TMEM114: variants seen among roughly 807,000 people sequenced by gnomAD.
TMEM114 encodes the protein claudin-26.
Under a neutral mutation model 6.2 loss-of-function variants are expected in TMEM114, and 6 were observed. The ratio of observed to expected loss-of-function variants is 0.97; its 90% CI spans 0.53 to 1.91. The LOEUF (loss-of-function observed/expected upper bound fraction) is 1.91, where lower values mean the gene tolerates loss of function less well. TMEM114 is among the 40% of genes most tolerant of loss of function. TMEM114 has a pLI of 0.01. For missense variants in TMEM114, 218 were observed against 158.3 expected (o/e 1.38, Z -2.02); for synonymous variants, 104 against 73.0 (o/e 1.42, Z -2.16).
chr16:8,574,906 G>A (rs1395754763), intron 2 of TMEM114, among the ~76,000 whole-genome samples: 13 of 152,156 alleles, frequency 8.5e-5, no homozygotes, highest in Non-Finnish European at 2.9e-5. Context: ...CTTTCTTTGT[G>A]TGTGTGCCCT....
chr16:8,557,550 G>A (rs769682559), intron 2 of TMEM114, among the ~76,000 whole-genome samples: 18 of 152,262 alleles, frequency 1.2e-4, no homozygotes, highest in Admixed American at 9.8e-4. Context: ...AATATACAAG[G>A]GTCACTAGTT....
intron 2 of TMEM114, among the ~76,000 whole-genome samples, chr16:8,551,980 C>G (rs1485033893): frequency 6.6e-6 from 1 of 152,168 alleles, no homozygotes; most frequent in Non-Finnish European, 1.5e-5. Context: ...AAGCCAGTCT[C>G]CAAAGATTCT....
intron 2 of TMEM114, among the ~76,000 whole-genome samples, chr16:8,559,855 C>T (rs957536792): frequency 6.6e-6 from 1 of 152,130 alleles, no homozygotes; most frequent in Non-Finnish European, 1.5e-5. Flanking sequence ...ACTGAGATCC[C>T]CATGGGGCTC....
chr16:8,589,585 A>C, intron 1 of TMEM114, 34 bp downstream of exon 1: 1 of 398,480 alleles, frequency 2.5e-6, no homozygotes, highest in Non-Finnish European at 4.4e-6. Flanking sequence ...GGGCGTTCGC[A>C]GCCACAGCTC....
intron 2 of TMEM114, among the ~76,000 whole-genome samples, chr16:8,546,953 C>T (rs143763839): frequency 6.6e-6 from 1 of 152,166 alleles, no homozygotes; most frequent in Non-Finnish European, 1.5e-5. Context: ...GCTGGGAGGA[C>T]AGGGGAAAGC....
chr16:8,577,732 C>T (rs184060935), intron 2 of TMEM114, among the ~76,000 whole-genome samples: 13 of 151,876 alleles, frequency 8.6e-5, no homozygotes, highest in South Asian at 6.2e-4. Flanking sequence ...TATAGGCGCC[C>T]GCCATCCCTC....
rs185988304 is a variant in TMEM114, at chr16:8,539,325, G to A, written n.213-1499C>T. ...TCCTCTGAGAAGGGAATAGAGGGGTGGGAGGTAGAGAAGCTAGAAGCAGAA... is the reference window on the plus strand; with the variant it reads ...TCCTCTGAGAAGGGAATAGAGGGGTAGGAGGTAGAGAAGCTAGAAGCAGAA... On this transcript the variant is annotated intron_variant and non_coding_transcript_variant, in intron 2 of 2. Transcript: ENST00000623677. 3.3e-5 allele frequency among the ~76,000 whole-genome samples: 5 copies of A among 152,246 alleles called. No individual in the cohort carries two copies. In the East Asian group the frequency reaches 7.7e-4, roughly 24 times the overall value.
intron 2 of TMEM114, among the ~76,000 whole-genome samples, chr16:8,542,951 C>A (rs1900558066): frequency 6.6e-6 from 1 of 152,182 alleles, no homozygotes; most frequent in Non-Finnish European, 1.5e-5. Flanking sequence ...ATATATTTGA[C>A]ATAATTACCC....
chr16:8,562,793 T>TG, intron 2 of TMEM114, among the ~76,000 whole-genome samples: 1 of 150,222 alleles, frequency 6.7e-6, no homozygotes. Context: ...AATGAGTAAG[T>TG]GAGTGAATGA....
At chr16:8,588,648 G>A (rs1373794293) in intron 2 of TMEM114, among the ~76,000 whole-genome samples, 1 of 152,182 alleles carries the variant, frequency 6.6e-6, no homozygotes. Context: ...TAAGAGGGAC[G>A]CAGTGGACCT....
chr16:8,532,415 A>C, the TMEM114 span, among the ~76,000 whole-genome samples: 3 of 152,162 alleles, frequency 2.0e-5, no homozygotes, highest in African/African-American at 7.2e-5. Flanking sequence ...AGGACTTCTG[A>C]ATCTGACCCT....
intron 2 of TMEM114, among the ~76,000 whole-genome samples, chr16:8,562,179 A>C (rs1425354646): frequency 6.6e-6 from 1 of 151,692 alleles, no homozygotes; most frequent in Non-Finnish European, 1.5e-5. Flanking sequence ...TGAGTGAATG[A>C]GTCAGTGAGT....
At chr16:8,546,200 T>G (rs902398748) in intron 2 of TMEM114, among the ~76,000 whole-genome samples, 7 of 152,224 alleles carry the variant, frequency 4.6e-5, no homozygotes, top group Non-Finnish European at 1.0e-4. Flanking sequence ...TGAAGAACAC[T>G]TTTACATGCA....
At chr16:8,568,754 T>C (rs9932044), downstream of TMEM114, among the ~76,000 whole-genome samples, 10,575 of 152,214 alleles carry the variant, frequency 0.069, 574 homozygotes, top group African/African-American at 0.14. Context: ...ATCTCAGCCA[T>C]GGTTTTGGGT....
At position 8,559,186 on chromosome 16, in the gene TMEM114, G is replaced by A. The variant is rs146371199; in HGVS notation, n.213-21360C>T. 1.8e-3 allele frequency among the ~76,000 whole-genome samples: 279 copies of A among 152,132 alleles called. 2 individuals carry two copies. The highest frequency in any genetic ancestry group is 6.4e-3 in the African/African-American group (267 of 41,496). On this transcript the variant is annotated intron_variant and non_coding_transcript_variant, in intron 2 of 2. Coordinates refer to the TMEM114 transcript ENST00000623677. ...GCCTCCTGGTTAGCTGGGACTATAC[G>A]CATGCGCCACTACGCCCGGATAATT... is the stretch of plus-strand genomic sequence containing the variant.
intron 2 of TMEM114, among the ~76,000 whole-genome samples, chr16:8,543,719 C>T (rs1320831057): frequency 5.9e-5 from 9 of 152,176 alleles, no homozygotes; most frequent in African/African-American, 2.2e-4. Context: ...ATTGCATGAA[C>T]CCACCTGTCT....
chr16:8,557,188 A>G (rs554675431), intron 2 of TMEM114, among the ~76,000 whole-genome samples: 1 of 152,168 alleles, frequency 6.6e-6, no homozygotes, highest in Non-Finnish European at 1.5e-5. Context: ...CTCCTTGTGA[A>G]TCAGAACAGG....
chr16:8,589,004 A>G, intron 2 of TMEM114, among the ~76,000 whole-genome samples: 1 of 152,158 alleles, frequency 6.6e-6, no homozygotes, highest in Middle Eastern at 3.4e-3. Flanking sequence ...ACGTGAGCTG[A>G]ATGAACCCTA....
intron 2 of TMEM114, among the ~76,000 whole-genome samples, chr16:8,582,332 C>T (rs909958696): frequency 3.3e-5 from 5 of 152,114 alleles, no homozygotes; most frequent in African/African-American, 9.7e-5. Context: ...GCATTTTCCA[C>T]ACCACCCTCC....
Sources: allele counts gnomAD v4.1 joint callset (sites outside exome capture counted in the v4.1 genomes callset), GRCh38; gene constraint gnomAD v4.1.1; transcripts MANE v1.5; gene names NCBI Gene and HGNC (gene_info 2026-07-23, HGNC 2026-07-21).